PER3: variants seen among roughly 807,000 people sequenced by gnomAD.
The protein encoded by PER3 is period circadian regulator 3, also known as period circadian protein homolog 3.
In PER3, 107 loss-of-function variants were observed where a neutral mutation model predicts 127.2. That is an observed-to-expected ratio of 0.84 (90% CI 0.72 to 0.99). The LOEUF (loss-of-function observed/expected upper bound fraction) is 0.99, where lower values mean the gene tolerates loss of function less well. Among genes scored for constraint, PER3 ranks in the 50% least tolerant of loss-of-function variants. The probability of loss-of-function intolerance (pLI) is 0.00; values close to 1 mark genes in which losing one functional copy is unlikely to be tolerated. For missense variants in PER3, 1,560 were observed against 1,525.8 expected (o/e 1.02, Z -0.37); for synonymous variants, 618 against 585.8 (o/e 1.05, Z -0.79).
At chr1:7,810,073 C>T (rs530721850) in intron 12 of PER3, 52 bp downstream of exon 12, 2 of 1,553,056 alleles carry the variant, frequency 1.3e-6, no homozygotes, top group South Asian at 1.2e-5. Context: ...TTCTGTACTA[C>T]CTCGGTTCTG....
At chr1:7,791,635 T>G (rs1413934446) in intron 5 of PER3, among the ~76,000 whole-genome samples, 2 of 152,134 alleles carry the variant, frequency 1.3e-5, no homozygotes, top group African/African-American at 4.8e-5. Context: ...AGAAAATGGG[T>G]TTTTCTTTTC....
At chr1:7,813,873 G>A (rs1339170363) in intron 13 of PER3, among the ~76,000 whole-genome samples, 1 of 152,142 alleles carries the variant, frequency 6.6e-6, no homozygotes, top group Non-Finnish European at 1.5e-5. Flanking sequence ...ACTCAGAGAG[G>A]ACACAGAAGT....
intron 13 of PER3, among the ~76,000 whole-genome samples, 178 bp from the exon 14 acceptor site, chr1:7,819,107 C>T (rs1174631746): frequency 3.3e-5 from 5 of 152,290 alleles, no homozygotes; most frequent in African/African-American, 9.6e-5. Context: ...TTATTCATTA[C>T]GTGTTGTGGA....
rs556963827 is a variant in PER3, at chr1:7,796,514, C to T, written c.645-2011C>T. Among the ~76,000 whole-genome samples, 6 of 152,078 alleles carry T rather than the reference C, an allele frequency of 3.9e-5. No homozygotes were observed. In the East Asian group the frequency reaches 7.7e-4, roughly 20 times the overall value. On this transcript the variant is annotated intron_variant, in intron 6 of 21. Coordinates refer to ENST00000377532, the MANE Select transcript of PER3 (RefSeq NM_001377275.1). ...ATTTTTTGTAGAGACGGGGTTTCTCCATGTTGGCCAGGCTGGTCTCGAACT... is the reference window on the plus strand; with the variant it reads ...ATTTTTTGTAGAGACGGGGTTTCTCTATGTTGGCCAGGCTGGTCTCGAACT...
intron 10 of PER3, among the ~76,000 whole-genome samples, chr1:7,807,624 C>T (rs2097200605): frequency 6.6e-6 from 1 of 152,182 alleles, no homozygotes; most frequent in Admixed American, 6.5e-5. Flanking sequence ...CTCAGAGTAC[C>T]TCATCCCCTG....
chr1:7,797,131 C>T (rs998843665), intron 6 of PER3, among the ~76,000 whole-genome samples: 17 of 152,066 alleles, frequency 1.1e-4, no homozygotes, highest in African/African-American at 3.9e-4. Flanking sequence ...GCATTTAAAA[C>T]CTTTGGACTG....
intron 18 of PER3, among the ~76,000 whole-genome samples, chr1:7,828,993 T>C (rs1270960744): frequency 6.6e-6 from 1 of 152,188 alleles, no homozygotes; most frequent in African/African-American, 2.4e-5. Flanking sequence ...GAGAAAGTAG[T>C]AGTGCCTTAA....
At chr1:7,820,440 C>A in intron 15 of PER3, 27 bp from the exon 16 acceptor site, 2 of 1,576,632 alleles carry the variant, frequency 1.3e-6, no homozygotes, top group South Asian at 2.3e-5. Context: ...TTTTTCTTTT[C>A]ACTGTCAGTT....
intron 12 of PER3, 54 bp downstream of exon 12, chr1:7,810,075 T>A: frequency 6.5e-7 from 1 of 1,544,538 alleles, no homozygotes. Context: ...CTGTACTACC[T>A]CGGTTCTGAA....
In PER3 at chr1:7,826,578, G is replaced by C; in HGVS notation, c.2056G>C (p.Val686Leu). The part of the protein sequence containing the change: ...EFKHVGLTAA[V>L]LSAHTQKEEQ... Reference sequence around the variant, plus strand: ...TAAACACGTGGGGCTCACAGCGGCTGTTCTGTCAGCGCACACCCAGAAGGA... The same window carrying C: ...TAAACACGTGGGGCTCACAGCGGCTCTTCTGTCAGCGCACACCCAGAAGGA... The change falls in exon 17 of 22, where the codon GTT becomes CTT. Residue 686 changes from valine to leucine, a missense_variant. By Grantham distance (32) the Val-to-Leu change is conservative. Transcript: ENST00000377532. The surrounding 1 kb of genome is among the most constrained non-coding windows in gnomAD (Gnocchi z 4.2). 1 of 1,613,042 alleles carries C rather than the reference G, an allele frequency of 6.2e-7. No homozygotes were observed.
chr1:7,820,435 C>T lies in PER3; in HGVS notation c.1784-32C>T. The T allele has an allele frequency of 1.9e-6, 3 of 1,571,332 alleles. No individual in the cohort carries two copies. The Admixed American group carries it at 5.8e-5, about 31-fold the overall frequency. Reference sequence around the variant, plus strand: ...TGTAAATTTCTCGTTGGGAATTTTTCTTTTCACTGTCAGTTTCTCTTACAC... The same window carrying T: ...TGTAAATTTCTCGTTGGGAATTTTTTTTTTCACTGTCAGTTTCTCTTACAC... On this transcript the variant is annotated intron_variant, in intron 15 of 21. Coordinates refer to ENST00000377532, the MANE Select transcript of PER3 (RefSeq NM_001377275.1).
chr1:7,808,887 T>C lies in PER3; in HGVS notation c.1137-6T>C. On this transcript the variant is annotated splice_polypyrimidine_tract_variant and splice_region_variant and intron_variant, in intron 10 of 21. Coordinates refer to ENST00000377532, the MANE Select transcript of PER3 (RefSeq NM_001377275.1). ...TTGACTCAGTCTCTCACTGGGCATT[T>C]TCTAGGAGCCCACTAAATGAGGATG... The C allele has an allele frequency of 6.6e-7, 1 of 1,518,812 alleles. No individual in the cohort carries two copies. The highest frequency in any genetic ancestry group is 9.1e-7 in the Non-Finnish European group (1 of 1,094,416). 94.1% of individuals were successfully genotyped at this position (1,518,812 alleles called of 1,614,324 possible). A position where few individuals can be genotyped will look rare whatever the true frequency, so the allele number is the denominator to read the frequency against.
intron 12 of PER3, 191 bp from the exon 13 acceptor site, chr1:7,810,247 T>TG (rs2097213508): frequency 1.6e-6 from 1 of 621,190 alleles, no homozygotes; most frequent in Admixed American, 3.3e-5. Context: ...TAGCATATTG[T>TG]GAACAGATTT....
chr1:7,840,148 A>C (rs989845878), intron 21 of PER3, among the ~76,000 whole-genome samples: 10 of 151,926 alleles, frequency 6.6e-5, no homozygotes, highest in African/African-American at 2.4e-4. Context: ...CTGCCTGCTT[A>C]GATCGGCTTT....
At chr1:7,810,893 T>G (rs1485723159) in intron 13 of PER3, among the ~76,000 whole-genome samples, 3 of 152,198 alleles carry the variant, frequency 2.0e-5, no homozygotes, top group Non-Finnish European at 4.4e-5. Context: ...GGGCATCTCT[T>G]TAAACAAAAA....
chr1:7,843,968 C>CA lies in PER3; in HGVS notation c.*1216dup, dbSNP rs1219708967. The CA allele has an allele frequency of 2.4e-6, 3 of 1,271,052 alleles. No homozygotes were observed. Among genetic ancestry groups the CA allele is most frequent in the Non-Finnish European group, 3.1e-6 (3 of 974,160 alleles). The allele number at this position is 1,271,052 out of a possible 1,614,324, so 78.7% of individuals were successfully genotyped here. ...TCACACCCCTGCAGATCAGAAAAAACAAATAGAAGAAAATGAGGGTTACAG... is the reference window on the plus strand; with the variant it reads ...TCACACCCCTGCAGATCAGAAAAAACAAAATAGAAGAAAATGAGGGTTACAG... On this transcript the variant is annotated 3_prime_UTR_variant, in exon 22 of 22. Coordinates refer to ENST00000377532, the MANE Select transcript of PER3 (RefSeq NM_001377275.1).
intron 19 of PER3, among the ~76,000 whole-genome samples, chr1:7,831,556 T>C (rs1198161835): frequency 6.6e-6 from 1 of 152,212 alleles, no homozygotes; most frequent in Admixed American, 6.5e-5. Flanking sequence ...TGTTTCACCA[T>C]TAAGTACGAT....
At chr1:7,814,818 A>G (rs1224474846) in intron 13 of PER3, among the ~76,000 whole-genome samples, 1 of 152,234 alleles carries the variant, frequency 6.6e-6, no homozygotes, top group Non-Finnish European at 1.5e-5. Flanking sequence ...GGAATATACT[A>G]TTAGTTCCTT....
chr1:7,813,396 G>A (rs991299123), intron 13 of PER3, among the ~76,000 whole-genome samples: 26 of 152,224 alleles, frequency 1.7e-4, no homozygotes, highest in African/African-American at 6.3e-4. Context: ...TGACTTCAGA[G>A]TGCTGAGGTT....
Sources: allele counts gnomAD v4.1 joint callset (sites outside exome capture counted in the v4.1 genomes callset), GRCh38; gene constraint gnomAD v4.1.1; non-coding constraint Gnocchi (gnomAD v3.1); transcripts MANE v1.5; gene names NCBI Gene and HGNC (gene_info 2026-07-23, HGNC 2026-07-21).